The following FTO variants were observed in gnomAD, a reference collection of about 807,000 sequenced individuals.
FTO encodes the protein FTO alpha-ketoglutarate dependent dioxygenase.
A neutral mutation model predicts 63.9 loss-of-function variants in FTO; 47 were observed. That is an observed-to-expected ratio of 0.74 (90% confidence interval 0.58 to 0.94). FTO has a LOEUF of 0.94. Ranked by LOEUF, FTO falls within the 40% of genes least tolerant of loss-of-function variation. FTO has a pLI of 0.00. For missense variants in FTO, 562 were observed against 618.1 expected, an observed-to-expected ratio of 0.91 and a Z score of 0.96; for synonymous variants, 207 against 224.4, an observed-to-expected ratio of 0.92 and a Z score of 0.69.
chr16:53,975,946 A>G lies in FTO; in HGVS notation c.1364+41837A>G, dbSNP rs183762052. Among the ~76,000 whole-genome samples the G allele has an allele frequency of 4.8e-3, 731 of 152,240 alleles. 5 individuals are homozygous for G. Among genetic ancestry groups the G allele is most frequent in the Non-Finnish European group, 8.7e-3 (594 of 68,008 alleles). On this transcript the variant is annotated intron_variant, in intron 8 of 8. Coordinates refer to ENST00000471389, the MANE Select transcript of FTO (RefSeq NM_001080432.3). ...GAAAACTTTGAGGCACAGATTGATTAAGTAAGTATCAGAACCAGGCAGCCT... is the reference window on the plus strand; with the variant it reads ...GAAAACTTTGAGGCACAGATTGATTGAGTAAGTATCAGAACCAGGCAGCCT...
At chr16:53,846,024 T>C (rs898215248) in intron 4 of FTO, among the ~76,000 whole-genome samples, 31 of 152,152 alleles carry the variant, frequency 2.0e-4, no homozygotes, top group African/African-American at 6.8e-4. Context: ...AGCCCCAATC[T>C]CCTGTCAGCT....
At chr16:54,004,185 G>T (rs2084137456) in intron 8 of FTO, among the ~76,000 whole-genome samples, 1 of 152,192 alleles carries the variant, frequency 6.6e-6, no homozygotes. Context: ...AATGCTTGAT[G>T]ATTTTTACTT....
At chr16:53,873,745 A>G (rs1333631378) in intron 4 of FTO, 41 bp from the exon 5 acceptor site, 9 of 1,445,476 alleles carry the variant, frequency 6.2e-6, no homozygotes, top group South Asian at 5.7e-5. Context: ...TATACTGACT[A>G]ATAAATATGG....
chr16:53,901,330 A>C (rs936495626), intron 7 of FTO, among the ~76,000 whole-genome samples: 4 of 152,112 alleles, frequency 2.6e-5, no homozygotes, highest in Non-Finnish European at 5.9e-5. Flanking sequence ...CTTGTTAGGA[A>C]CCCTAAGTGT....
intron 4 of FTO, among the ~76,000 whole-genome samples, chr16:53,855,765 TCTAA>T (rs1280081861): frequency 1.3e-5 from 2 of 152,162 alleles, no homozygotes; most frequent in African/African-American, 4.8e-5. Context: ...TTACATCTAG[TCTAA>T]CTAACCACGT....
At position 54,029,094 on chromosome 16, in the gene FTO, G is replaced by A. The variant is rs542896083; in HGVS notation, c.1365-82668G>A. On this transcript the variant is annotated intron_variant, in intron 8 of 8. Transcript: ENST00000471389. ...TCCTGGAATCTGTAGGCAACACAAA[G>A]GAATCCAGAAAGATCGTACTTTCTC... 3.0e-3 allele frequency among the ~76,000 whole-genome samples: 464 copies of A among 152,186 alleles called. 1 individual carries two copies. The highest frequency in any genetic ancestry group is 0.01 in the African/African-American group (434 of 41,536).
chr16:54,039,568 T>G (rs2085023519), intron 8 of FTO: 1 of 152,230 alleles, frequency 6.6e-6, no homozygotes, highest in Admixed American at 6.5e-5. Context: ...CATCTTCGAC[T>G]ATGCTAAGTC....
intron 8 of FTO, chr16:53,937,335 G>A (rs186886476): frequency 3.3e-5 from 13 of 398,480 alleles, no homozygotes; most frequent in East Asian, 2.1e-4. Context: ...CTGAAGATTC[G>A]CCTTTGTTTA....
chr16:53,813,737 A>T (rs1225669210), intron 2 of FTO, among the ~76,000 whole-genome samples: 1 of 152,094 alleles, frequency 6.6e-6, no homozygotes, highest in African/African-American at 2.4e-5. Context: ...CTGTCGATTG[A>T]TCCTTACAGT....
At chr16:53,831,522 C>T (rs2079146893) in intron 3 of FTO, among the ~76,000 whole-genome samples, 1 of 152,060 alleles carries the variant, frequency 6.6e-6, no homozygotes, top group Non-Finnish European at 1.5e-5. Context: ...ATTATTTTTT[C>T]ATTTAACAAT....
chr16:53,845,838 A>G (rs1300638911), intron 4 of FTO, among the ~76,000 whole-genome samples: 3 of 152,152 alleles, frequency 2.0e-5, no homozygotes, highest in Non-Finnish European at 4.4e-5. Context: ...ATCATTATGT[A>G]GGGTCTCTTT....
chr16:54,012,258 A>G (rs1048950941), intron 8 of FTO, among the ~76,000 whole-genome samples: 10 of 152,246 alleles, frequency 6.6e-5, no homozygotes, highest in African/African-American at 2.4e-4. Flanking sequence ...ACCAGCCACA[A>G]CATTCCCTAA....
chr16:53,810,967 T>A (rs1268937386), intron 2 of FTO, among the ~76,000 whole-genome samples: 4 of 152,102 alleles, frequency 2.6e-5, no homozygotes, highest in African/African-American at 9.7e-5. Context: ...AAAAAGTTAG[T>A]GAGTTCTTTT....
At position 53,795,567 on chromosome 16, in the gene FTO, C is replaced by T. The variant is rs1293144223; in HGVS notation, c.46-14573C>T. Among the ~76,000 whole-genome samples, 5 of 152,216 alleles carry T rather than the reference C, an allele frequency of 3.3e-5. 1 individual carries two copies. The highest frequency in any genetic ancestry group is 1.9e-4 in the East Asian group (1 of 5,170). On this transcript the variant is annotated intron_variant, in intron 1 of 8. Coordinates refer to ENST00000471389, the MANE Select transcript of FTO (RefSeq NM_001080432.3). ...CCATCCACCTGAGGTCTCAGCCTCC[C>T]ACAAGTGTTGGGATTACAGGCATGA...
At chr16:54,040,625 T>A (rs2085050403) in intron 8 of FTO, 1 of 152,096 alleles carries the variant, frequency 6.6e-6, no homozygotes, top group African/African-American at 2.4e-5. Context: ...TGAGCTGAGA[T>A]CTGAAAGACC....
intron 1 of FTO, among the ~76,000 whole-genome samples, chr16:53,718,790 A>G (rs2075958565): frequency 6.6e-6 from 1 of 152,112 alleles, no homozygotes; most frequent in Non-Finnish European, 1.5e-5. Context: ...GTTCCTTGGG[A>G]TAAAGCCTAC....
At chr16:53,968,830 G>A (rs1215748463) in intron 8 of FTO, among the ~76,000 whole-genome samples, 1 of 152,168 alleles carries the variant, frequency 6.6e-6, no homozygotes, top group Non-Finnish European at 1.5e-5. Flanking sequence ...ATTAGCATAA[G>A]GAGGATATTT....
chr16:54,058,535 A>G (rs576662693), intron 8 of FTO, among the ~76,000 whole-genome samples: 1 of 152,276 alleles, frequency 6.6e-6, no homozygotes, highest in African/African-American at 2.4e-5. Flanking sequence ...AGCCCCAGTA[A>G]TCCCGTCAAG....
chr16:53,992,382 C>G (rs2083831827), intron 8 of FTO: 1 of 152,178 alleles, frequency 6.6e-6, no homozygotes, highest in Non-Finnish European at 1.5e-5. Flanking sequence ...TGGCACCTAC[C>G]TAGATTTCTG....
Sources: allele counts gnomAD v4.1 joint callset (sites outside exome capture counted in the v4.1 genomes callset), GRCh38; gene constraint gnomAD v4.1.1; transcripts MANE v1.5; gene names NCBI Gene and HGNC (gene_info 2026-07-23, HGNC 2026-07-21).